USP8: variants seen among roughly 807,000 people sequenced by gnomAD.
USP8 encodes ubiquitin specific peptidase 8.
A neutral mutation model predicts 130.0 loss-of-function variants in USP8; 27 were observed. That is an observed-to-expected ratio of 0.21 (90% confidence interval 0.15 to 0.29). The LOEUF (loss-of-function observed/expected upper bound fraction) is 0.29. Among genes scored for constraint, USP8 ranks in the 10% least tolerant of loss-of-function variants. The pLI, the probability that USP8 is intolerant of heterozygous loss-of-function variation, is 1.00. For missense variants in USP8, 1,029 were observed against 1,312.2 expected, an observed-to-expected ratio of 0.78 and a Z score of 3.33; for synonymous variants, 392 against 444.1, an observed-to-expected ratio of 0.88 and a Z score of 1.48.
chr15:50,477,466 T>A lies in USP8; in HGVS notation c.1185T>A (p.Ile395=). The A allele has an allele frequency of 6.2e-7, 1 of 1,614,130 alleles. No individual in the cohort carries two copies. The highest frequency in any genetic ancestry group is 1.1e-5 in the South Asian group (1 of 91,066). The change falls in exon 10 of 20, where the codon ATT becomes ATA. Residue 395 remains isoleucine, a synonymous_variant. Transcript: ENST00000307179. The stretch of plus-strand genomic sequence containing the variant: ...CTAAATCTGATGTTTCACCCATAAT[T>A]CAGCCAGTGCCTAGTATAAAGAATG... ...AASKSDVSPI[I]QPVPSIKNVP... is the part of the protein sequence containing the mutation.
At chr15:50,490,896 A>C (rs1449774741) in intron 14 of USP8, among the ~76,000 whole-genome samples, 1 of 152,052 alleles carries the variant, frequency 6.6e-6, no homozygotes, top group Non-Finnish European at 1.5e-5. Context: ...TGCAGCACTC[A>C]AGTTCCAAAC....
At chr15:50,427,999 A>G (rs1595891438) in intron 1 of USP8, among the ~76,000 whole-genome samples, 1 of 152,228 alleles carries the variant, frequency 6.6e-6, no homozygotes, top group South Asian at 2.1e-4. Context: ...CTAGGACTGC[A>G]GGCACACGCC....
intron 1 of USP8, among the ~76,000 whole-genome samples, chr15:50,431,618 CGATT>C (rs1469103348): frequency 6.6e-6 from 1 of 152,058 alleles, no homozygotes. Flanking sequence ...TCCCTCTATC[CGATT>C]GATTATTTCC....
rs2051785829 is a variant in USP8 at position 50,481,864 on chromosome 15, G to A, written c.1602G>A (p.Lys534=). The change falls in exon 11 of 20, where the codon AAG becomes AAA. Residue 534 remains lysine (K), a synonymous_variant. Coordinates refer to ENST00000307179, the MANE Select transcript of USP8 (RefSeq NM_005154.5). ...AGAAGAAAGAAAGTGAACAGGCCAA[G>A]AAAGAAGATAAAGAAACCTCAGCAA... ...EMEKKESEQA[K]KEDKETSAKR... 1 of 1,546,502 alleles carries A rather than the reference G, an allele frequency of 6.5e-7. No homozygotes were observed. The highest frequency in any genetic ancestry group is 8.7e-7 in the Non-Finnish European group (1 of 1,151,904).
intron 5 of USP8, 64 bp from the exon 6 acceptor site, chr15:50,462,216 A>G: frequency 1.5e-6 from 2 of 1,375,724 alleles, no homozygotes; most frequent in Non-Finnish European, 2.0e-6. Flanking sequence ...AAGTAAATGA[A>G]GTATTAAAGT....
At chr15:50,463,085 C>A (rs1218280477) in intron 6 of USP8, among the ~76,000 whole-genome samples, 24 of 151,996 alleles carry the variant, frequency 1.6e-4, no homozygotes, top group Admixed American at 1.6e-3. Context: ...CCTGTCTCTA[C>A]AAAAAATACA....
rs1421844619 is a variant in USP8 at position 50,508,744 on chromosome 15, T to G, written c.*9656T>G. 2 of 152,040 alleles carry G rather than the reference T, an allele frequency of 1.3e-5. No individual in the cohort carries two copies. Among genetic ancestry groups the G allele is most frequent in the Non-Finnish European group, 2.9e-5 (2 of 68,030 alleles). 9.4% of individuals were successfully genotyped at this position (152,040 alleles called of 1,614,324 possible). A position where few individuals can be genotyped will look rare whatever the true frequency, so the allele number is the denominator to read the frequency against. Reference sequence around the variant, plus strand: ...CTGCCACAGTGGTTCATGCCTATAATCCCTGCACTTTGGGAGGCCAAGGCA... The same window carrying G: ...CTGCCACAGTGGTTCATGCCTATAAGCCCTGCACTTTGGGAGGCCAAGGCA... On this transcript the variant is annotated 3_prime_UTR_variant, in exon 20 of 20. Transcript: ENST00000307179.
chr15:50,441,561 A>C (rs1273385643), intron 3 of USP8, 68 bp downstream of exon 3: 1 of 1,371,934 alleles, frequency 7.3e-7, no homozygotes, highest in Non-Finnish European at 9.7e-7. Flanking sequence ...ATTTTTTTCT[A>C]AAAATTTTAA....
intron 1 of USP8, among the ~76,000 whole-genome samples, chr15:50,428,559 A>G (rs2049821827): frequency 6.6e-6 from 1 of 152,170 alleles, no homozygotes; most frequent in South Asian, 2.1e-4. Flanking sequence ...TTTTTATGAT[A>G]AAGTTTAACT....
intron 1 of USP8, among the ~76,000 whole-genome samples, chr15:50,437,928 C>T (rs1372136986): frequency 6.6e-6 from 1 of 152,040 alleles, no homozygotes; most frequent in Non-Finnish European, 1.5e-5. Flanking sequence ...TCTGAAAGTA[C>T]AAATTAAAGT....
chr15:50,513,059 T>G lies in USP8; in HGVS notation c.*13971T>G, dbSNP rs1006418317. 6.6e-6 allele frequency: 1 copy of G among 152,094 alleles called. No individual in the cohort carries two copies. The highest frequency in any genetic ancestry group is 2.4e-5 in the African/African-American group (1 of 41,426). The allele number at this position is 152,094 out of a possible 1,614,324, so 9.4% of individuals were successfully genotyped here. ...TGCAAAAGACAAATATTTCATACAATAGGAAAAACTAAAATGAGATAATTT... is the reference window on the plus strand; with the variant it reads ...TGCAAAAGACAAATATTTCATACAAGAGGAAAAACTAAAATGAGATAATTT... On this transcript the variant is annotated 3_prime_UTR_variant, in exon 20 of 20. Coordinates refer to ENST00000307179, the MANE Select transcript of USP8 (RefSeq NM_005154.5).
chr15:50,457,699 A>C (rs547641869), intron 4 of USP8, among the ~76,000 whole-genome samples: 1 of 151,784 alleles, frequency 6.6e-6, no homozygotes, highest in East Asian at 1.9e-4. Context: ...TGTCTCTACT[A>C]AAAATACACA....
chr15:50,495,463 TTTC>T (rs1376116615), intron 16 of USP8, among the ~76,000 whole-genome samples: 1 of 145,000 alleles, frequency 6.9e-6, no homozygotes, highest in Non-Finnish European at 1.5e-5. Context: ...TTTTTAGCTT[TTTC>T]TTTTTTTAGT....
At chr15:50,475,742 A>G (rs762910570) in intron 8 of USP8, among the ~76,000 whole-genome samples, 20 of 152,058 alleles carry the variant, frequency 1.3e-4, no homozygotes, top group Non-Finnish European at 2.5e-4. Context: ...AGCTGGGATT[A>G]TAGGCGCCTG....
At chr15:50,439,628 A>G (rs2050185946) in intron 2 of USP8, among the ~76,000 whole-genome samples, 3 of 151,288 alleles carry the variant, frequency 2.0e-5, no homozygotes, top group Admixed American at 6.6e-5. Flanking sequence ...ATTTCTACTA[A>G]AAATACAAAA....
intron 2 of USP8, 110 bp from the exon 3 acceptor site, chr15:50,441,239 G>T: frequency 2.8e-6 from 3 of 1,060,992 alleles, no homozygotes; most frequent in Non-Finnish European, 3.9e-6. Context: ...CCAATCTGTG[G>T]CCCTGGGGTT....
chr15:50,449,788 A>C (rs915870191), intron 4 of USP8, among the ~76,000 whole-genome samples: 5 of 151,082 alleles, frequency 3.3e-5, no homozygotes, highest in Non-Finnish European at 5.9e-5. Flanking sequence ...TCACCATGTT[A>C]GCCAGGATGG....
rs748429253 is a variant in USP8, at chr15:50,513,201, C to A, written c.*14113C>A. 2 of 152,058 alleles carry A rather than the reference C, an allele frequency of 1.3e-5. No individual in the cohort carries two copies. The highest frequency in any genetic ancestry group is 2.4e-5 in the African/African-American group (1 of 41,378). 9.4% of individuals were successfully genotyped at this position (152,058 alleles called of 1,614,324 possible). A position where few individuals can be genotyped will look rare whatever the true frequency, so the allele number is the denominator to read the frequency against. ...ATACTTTATGATCTAAGTGACCTCA[C>A]TCCTAAGTATATACATGAGAGAAAC... On this transcript the variant is annotated 3_prime_UTR_variant, in exon 20 of 20. Coordinates refer to ENST00000307179, the MANE Select transcript of USP8 (RefSeq NM_005154.5).
Position 50,449,407 on chromosome 15 carries a change from T to G in USP8, c.257T>G (p.Phe86Cys). The G allele has an allele frequency of 6.3e-7, 1 of 1,576,432 alleles. No individual in the cohort carries two copies. Among genetic ancestry groups the G allele is most frequent in the Non-Finnish European group, 8.6e-7 (1 of 1,160,772 alleles). ...GTTTTCCTATAATTTTAGGATTATTTCCATTCAATACTTGGACCTGGAAAC... is the reference window on the plus strand; with the variant it reads ...GTTTTCCTATAATTTTAGGATTATTGCCATTCAATACTTGGACCTGGAAAC... ...RPDFKQQQDYFHSILGPGNIK... is the reference protein window; with the variant it reads ...RPDFKQQQDYCHSILGPGNIK... The change falls in exon 4 of 20, where the codon TTC (phenylalanine) becomes TGC (cysteine). Residue 86 changes from phenylalanine (F) to cysteine (C), a missense_variant. By Grantham distance (205) the Phe-to-Cys change is radical. Transcript: ENST00000307179.
Sources: allele counts gnomAD v4.1 joint callset (sites outside exome capture counted in the v4.1 genomes callset), GRCh38; gene constraint gnomAD v4.1.1; transcripts MANE v1.5; gene names NCBI Gene and HGNC (gene_info 2026-07-23, HGNC 2026-07-21).